The following ZC3H12B variants were observed in gnomAD, a reference collection of about 807,000 sequenced individuals.
ZC3H12B encodes zinc finger CCCH-type containing 12B, also known as probable ribonuclease ZC3H12B.
ZC3H12B carries 7 observed loss-of-function variants against 43.9 expected under a neutral mutation model. The observed-to-expected ratio is 0.16, with a 90% CI of 0.09 to 0.30. The LOEUF is 0.30. Among genes scored for constraint, ZC3H12B ranks in the 10% least tolerant of loss-of-function variants. The pLI, the probability that ZC3H12B is intolerant of heterozygous loss-of-function variation, is 1.00. For missense variants in ZC3H12B, 475 were observed against 670.2 expected (o/e 0.71, Z 3.22); for synonymous variants, 222 against 241.7 (o/e 0.92, Z 0.76).
At chrX:65,380,873 G>A (rs1253543700) in intron 2 of ZC3H12B, among the ~76,000 whole-genome samples, 1 of 111,834 alleles carries the variant, frequency 8.9e-6, no homozygotes, top group African/African-American at 3.3e-5. Context: ...TTACTTAATG[G>A]TAAAGGGATC....
chrX:65,266,129 T>C, the ZC3H12B span, among the ~76,000 whole-genome samples: 2 of 111,736 alleles, frequency 1.8e-5, no homozygotes, highest in Admixed American at 9.5e-5. Context: ...CTCTTGAGTG[T>C]TTGGTCAAAT....
chrX:65,251,731 CTGTT>C, the ZC3H12B span, among the ~76,000 whole-genome samples: 3 of 110,814 alleles, frequency 2.7e-5, no homozygotes, highest in Admixed American at 9.6e-5. Context: ...CATGATTTGG[CTGTT>C]TGTCTGTTAT....
intron 3 of ZC3H12B, among the ~76,000 whole-genome samples, chrX:65,472,672 G>C (rs1303247916): frequency 9.4e-6 from 1 of 106,591 alleles, no homozygotes; most frequent in Non-Finnish European, 1.9e-5. Flanking sequence ...GTTTATTGAA[G>C]AGACTGTTTT....
At chrX:65,192,419 T>C in the ZC3H12B span, among the ~76,000 whole-genome samples, 2 of 111,529 alleles carry the variant, frequency 1.8e-5, no homozygotes, top group African/African-American at 6.5e-5. Flanking sequence ...GTGGGAATCT[T>C]TGTCATGTTT....
the ZC3H12B span, among the ~76,000 whole-genome samples, chrX:65,132,935 C>T: frequency 9.0e-6 from 1 of 111,572 alleles, no homozygotes; most frequent in Non-Finnish European, 1.9e-5. Context: ...GGGAAGGAGT[C>T]AGAGAGCCTT....
the ZC3H12B span, among the ~76,000 whole-genome samples, chrX:65,347,052 GCT>G: frequency 1.8e-5 from 2 of 112,169 alleles, no homozygotes; most frequent in East Asian, 5.6e-4. Flanking sequence ...GTACAGGAGA[GCT>G]CTGGCTGGCA....
chrX:65,211,750 ATATAT>A, the ZC3H12B span, among the ~76,000 whole-genome samples: 16 of 85,721 alleles, frequency 1.9e-4, no homozygotes, highest in Non-Finnish European at 2.3e-4. Flanking sequence ...ATATTATATA[ATATAT>A]TATATATAAT....
At chrX:65,156,126 A>G in the ZC3H12B span, among the ~76,000 whole-genome samples, 2 of 110,940 alleles carry the variant, frequency 1.8e-5, no homozygotes, top group African/African-American at 6.6e-5. Flanking sequence ...TATCTTTATA[A>G]CCTCTGCAGA....
the ZC3H12B span, among the ~76,000 whole-genome samples, chrX:65,276,112 G>A: frequency 2.9e-4 from 32 of 111,044 alleles, no homozygotes; most frequent in Admixed American, 3.8e-4. Flanking sequence ...TTCTGAACTT[G>A]TAGATAGGTC....
chrX:65,507,670 T>TA (rs1201346658), exon 5 of ZC3H12B: 9 of 112,059 alleles, frequency 8.0e-5, no homozygotes, highest in African/African-American at 2.9e-4. Flanking sequence ...TACACAAAGT[T>TA]AACCAGAGGT....
chrX:65,422,015 C>T (rs935372952), intron 3 of ZC3H12B, among the ~76,000 whole-genome samples: 2 of 111,293 alleles, frequency 1.8e-5, no homozygotes, highest in Non-Finnish European at 3.8e-5. Flanking sequence ...TTACCATGTT[C>T]CACACCATTC....
chrX:65,160,176 T>C, the ZC3H12B span, among the ~76,000 whole-genome samples: 1 of 112,117 alleles, frequency 8.9e-6, no homozygotes, highest in African/African-American at 3.2e-5. Context: ...AGTATTTTAT[T>C]GAGGATTTTT....
the ZC3H12B span, among the ~76,000 whole-genome samples, chrX:65,163,205 T>C: frequency 9.0e-6 from 1 of 111,611 alleles, no homozygotes; most frequent in Admixed American, 9.5e-5. Flanking sequence ...GTTAGGTTGC[T>C]CGGGGGTCAG....
the ZC3H12B span, among the ~76,000 whole-genome samples, chrX:65,219,458 T>TA: frequency 3.6e-5 from 4 of 111,369 alleles, no homozygotes; most frequent in Admixed American, 2.9e-4. Flanking sequence ...AACATAAATT[T>TA]AAAAAATCAC....
the ZC3H12B span, among the ~76,000 whole-genome samples, chrX:65,295,892 C>T: frequency 4.5e-5 from 5 of 110,443 alleles, no homozygotes; most frequent in East Asian, 2.9e-4. Context: ...TAAGAAGTAG[C>T]GGGATTGAAA....
the ZC3H12B span, among the ~76,000 whole-genome samples, chrX:65,062,824 G>A: frequency 6.3e-5 from 7 of 111,250 alleles, no homozygotes; most frequent in Non-Finnish European, 1.1e-4. Context: ...TTGTGTCCGA[G>A]GTCTATTTCC....
At chrX:65,111,864 C>T in the ZC3H12B span, among the ~76,000 whole-genome samples, 1 of 110,911 alleles carries the variant, frequency 9.0e-6, no homozygotes, top group South Asian at 3.8e-4. Context: ...CTTTCCCTCT[C>T]GTCTTGTCTC....
intron 3 of ZC3H12B, among the ~76,000 whole-genome samples, chrX:65,404,136 T>A (rs1412824851): frequency 8.9e-6 from 1 of 112,093 alleles, no homozygotes; most frequent in Non-Finnish European, 1.9e-5. Context: ...TCTTTTTGTT[T>A]CTTTATTTGT....
intron 2 of ZC3H12B, among the ~76,000 whole-genome samples, chrX:65,374,105 ATAG>A (rs1381582882): frequency 3.4e-5 from 2 of 58,607 alleles, no homozygotes; most frequent in African/African-American, 4.6e-4. Flanking sequence ...ATAACTATAT[ATAG>A]GTTATATATA....
Sources: allele counts gnomAD v4.1 joint callset (sites outside exome capture counted in the v4.1 genomes callset), GRCh38; gene constraint gnomAD v4.1.1; transcripts MANE v1.5; gene names NCBI Gene and HGNC (gene_info 2026-07-23, HGNC 2026-07-21).